NUMA1: variants seen among roughly 807,000 people sequenced by gnomAD.
NUMA1 encodes SP-H antigen.
In NUMA1, 62 loss-of-function variants were observed where a neutral mutation model predicts 237.1. That is an observed-to-expected ratio of 0.26 (90% CI 0.21 to 0.32). The LOEUF (loss-of-function observed/expected upper bound fraction) is 0.32. Ranked by LOEUF, NUMA1 falls within the 10% of genes least tolerant of loss-of-function variation. The probability of loss-of-function intolerance (pLI) is 1.00; values close to 1 mark genes in which losing one functional copy is unlikely to be tolerated. For missense variants in NUMA1, 2,533 were observed against 2,666.5 expected, an observed-to-expected ratio of 0.95 and a Z score of 1.10; for synonymous variants, 1,028 against 1,066.1, an observed-to-expected ratio of 0.96 and a Z score of 0.70.
In NUMA1 at chr11:72,003,885, AC is replaced by A; in HGVS notation, c.6336+1del. On this transcript the variant is annotated splice_donor_variant, in intron 26 of 26. Transcript: ENST00000393695. LOFTEE classifies it high-confidence loss of function. ...CCTCCCCCATCCTGCCAGTGCCTCT[AC>A]CTTGCCCTTGGCTCGAGGGGTGGCA... 3.1e-6 allele frequency: 5 copies of A among 1,613,200 alleles called. No homozygotes were observed. The East Asian group carries it at 1.1e-4, about 36-fold the overall frequency.
intron 2 of NUMA1, among the ~76,000 whole-genome samples, chr11:72,057,848 T>A (rs1373824574): frequency 6.6e-6 from 1 of 151,136 alleles, no homozygotes; most frequent in Admixed American, 6.6e-5. Context: ...GGCAGGTGGA[T>A]CGCCTGAGGG....
chr11:72,041,036 G>C (rs538787427), intron 2 of NUMA1: 2 of 152,188 alleles, frequency 1.3e-5, no homozygotes, highest in African/African-American at 2.4e-5. Flanking sequence ...AGGAGGAAGG[G>C]GGGGCCAGTG....
intron 2 of NUMA1, chr11:72,068,332 GT>G: frequency 6.6e-6 from 1 of 152,454 alleles, no homozygotes; most frequent in Non-Finnish European, 1.5e-5. Context: ...AGAAAGACCA[GT>G]TTTTGGCAGG....
chr11:72,066,603 A>C (rs984229659), intron 2 of NUMA1: 3 of 152,064 alleles, frequency 2.0e-5, no homozygotes, highest in African/African-American at 7.3e-5. Context: ...AAACCTACTG[A>C]ACTCCTATTC....
chr11:72,017,853 A>G, intron 12 of NUMA1, 26 bp from the exon 13 acceptor site: 1 of 1,475,044 alleles, frequency 6.8e-7, no homozygotes, highest in Admixed American at 2.0e-5. Context: ...GAGAATCCCC[A>G]TCACCCAGAG....
At chr11:72,010,933 GT>G (rs1956117339) in intron 16 of NUMA1, 79 bp from the exon 17 acceptor site, 1 of 1,283,496 alleles carries the variant, frequency 7.8e-7, no homozygotes, top group East Asian at 2.3e-5. Context: ...CCATCATGGG[GT>G]TTCCCAGACC....
intron 25 of NUMA1, 25 bp from the exon 26 acceptor site, chr11:72,004,124 G>A: frequency 6.2e-7 from 1 of 1,612,670 alleles, no homozygotes; most frequent in East Asian, 2.2e-5. Flanking sequence ...TGTCAGACCG[G>A]GAGACCCAAT....
At position 72,021,254 on chromosome 11, in the gene NUMA1, T is replaced by C; in HGVS notation, c.410A>G (p.His137Arg). The C allele has an allele frequency of 6.2e-7, 1 of 1,614,104 alleles. No homozygotes were observed. Among genetic ancestry groups the C allele is most frequent in the East Asian group, 2.2e-5 (1 of 44,886 alleles). ...LAVILKFVLD[H>R]EDGLNLNEDL... ...CTCATTAAGGTTTAGCCCGTCCTCA[T>C]GGTCCAGCACAAATTTAAGAATGAC... Residue 137 changes from histidine (H) to arginine (R), a missense_variant, in exon 8 of 27, where the codon CAT (histidine) becomes CGT (arginine). This residue lies in a region of NUMA1 where 1,414 missense variants were observed against 1,508.1 expected (regional missense o/e 0.94). Coordinates refer to ENST00000393695, the MANE Select transcript of NUMA1 (RefSeq NM_006185.4).
intron 2 of NUMA1, chr11:72,049,550 A>AAAT (rs1270828019): frequency 7.2e-4 from 9 of 12,530 alleles, no homozygotes; most frequent in African/African-American, 1.3e-3. Flanking sequence ...CTAAAAAAAA[A>AAAT]AATAATAATA....
At chr11:72,078,599 G>T (rs1263462341) in intron 1 of NUMA1, among the ~76,000 whole-genome samples, 1 of 152,220 alleles carries the variant, frequency 6.6e-6, no homozygotes, top group Admixed American at 6.5e-5. Flanking sequence ...TTCTTAACGA[G>T]CTTTCAGGTA....
chr11:72,036,892 A>G (rs1030986387), intron 2 of NUMA1, among the ~76,000 whole-genome samples: 1 of 152,162 alleles, frequency 6.6e-6, no homozygotes, highest in Admixed American at 6.5e-5. Flanking sequence ...CAGGGGCACA[A>G]TGAGCCCTGC....
chr11:72,033,514 A>G (rs1251326612), intron 3 of NUMA1, among the ~76,000 whole-genome samples: 2 of 151,988 alleles, frequency 1.3e-5, no homozygotes, highest in Admixed American at 6.6e-5. Flanking sequence ...CTGGAACCAC[A>G]GGAGCACACC....
chr11:72,077,144 G>A (rs1943745590), intron 1 of NUMA1, among the ~76,000 whole-genome samples: 1 of 152,058 alleles, frequency 6.6e-6, no homozygotes, highest in South Asian at 2.1e-4. Context: ...ATAAGATGTA[G>A]ACGACAGAAT....
chr11:72,008,406 C>T, intron 20 of NUMA1: 1 of 461,450 alleles, frequency 2.2e-6, no homozygotes, highest in Non-Finnish European at 4.0e-6. Context: ...TAGTCAGGCT[C>T]TTTCACAGCC....
chr11:72,064,627 G>C lies in NUMA1; in HGVS notation c.-33+5215C>G, dbSNP rs1008234555. On this transcript the variant is annotated intron_variant, in intron 2 of 26. Transcript: ENST00000393695. Reference sequence around the variant, plus strand: ...GCAGGTGAATCGCTTGGGCTCAGGAGTTCAAGACCAGCCTGGGCAACATGG... The same window carrying C: ...GCAGGTGAATCGCTTGGGCTCAGGACTTCAAGACCAGCCTGGGCAACATGG... Among the ~76,000 whole-genome samples the C allele has an allele frequency of 5.9e-5, 9 of 152,196 alleles. 1 individual carries two copies. Among genetic ancestry groups the C allele is most frequent in the African/African-American group, 2.2e-4 (9 of 41,526 alleles).
chr11:72,006,809 A>G (rs1356989233), intron 21 of NUMA1, among the ~76,000 whole-genome samples: 1 of 152,220 alleles, frequency 6.6e-6, no homozygotes, highest in African/African-American at 2.4e-5. Context: ...AAGATGTGGA[A>G]ACAAAGGCAA....
rs949326 is a variant in NUMA1 at position 72,019,260 on chromosome 11, C to T, written c.584+234G>A. Among the ~76,000 whole-genome samples the T allele has an allele frequency of 0.92, 139,407 of 152,240 alleles. 64,144 individuals are homozygous for T. Among genetic ancestry groups the T allele is most frequent in the Non-Finnish European group, 0.98 (66,366 of 68,018 alleles). ...AGAGAAGAGACTTCATTGTAGTCTCCGAGGAAGAAGGGTATTCCATAAACA... is the reference window on the plus strand; with the variant it reads ...AGAGAAGAGACTTCATTGTAGTCTCTGAGGAAGAAGGGTATTCCATAAACA... On this transcript the variant is annotated intron_variant, in intron 9 of 26. Transcript: ENST00000393695.
intron 6 of NUMA1, among the ~76,000 whole-genome samples, chr11:72,022,659 C>T (rs1035494332): frequency 1.3e-5 from 2 of 151,260 alleles, no homozygotes; most frequent in Non-Finnish European, 2.9e-5. Context: ...TGGCTCAATT[C>T]CTGGACTCAT....
Position 72,008,813 on chromosome 11 carries a change from C to T in NUMA1, c.5091G>A (p.Leu1697=). 4 of 1,614,102 alleles carry T rather than the reference C, an allele frequency of 2.5e-6. No individual in the cohort carries two copies. Among genetic ancestry groups the T allele is most frequent in the Non-Finnish European group, 2.5e-6 (3 of 1,180,032 alleles). ...CATCAGTTGCCACCTGGAATTTGCC[C>T]AGGTCTCGAAGCTGCTGGTCTGCAT... The part of the protein sequence containing the change: ...VAHADQQLRD[L]GKFQVATDAL... The change falls in exon 20 of 27, where the codon CTG becomes CTA. Residue 1697 remains leucine, a synonymous_variant. Coordinates refer to ENST00000393695, the MANE Select transcript of NUMA1 (RefSeq NM_006185.4).
Sources: allele counts gnomAD v4.1 joint callset (sites outside exome capture counted in the v4.1 genomes callset), GRCh38; gene constraint gnomAD v4.1.1; regional missense constraint gnomAD v4.1.1; transcripts MANE v1.5; gene names NCBI Gene and HGNC (gene_info 2026-07-23, HGNC 2026-07-21).